Variants in ZNF486 observed in about 807,000 individuals in gnomAD.
The protein encoded by ZNF486 is zinc finger protein 486, also known as KRAB box only protein 2.
A neutral mutation model predicts 12.8 loss-of-function variants in ZNF486; 12 were observed. The ratio of observed to expected loss-of-function variants is 0.94; its 90% confidence interval spans 0.60 to 1.52. ZNF486 has a LOEUF of 1.52. Ranked by LOEUF, ZNF486 falls within the 40% of genes most tolerant of loss-of-function variation. The probability of loss-of-function intolerance (pLI) is 0.00; values close to 1 mark genes in which losing one functional copy is unlikely to be tolerated. For missense variants in ZNF486, 738 were observed against 545.0 expected, an observed-to-expected ratio of 1.35 and a Z score of -3.53; for synonymous variants, 231 against 184.9, an observed-to-expected ratio of 1.25 and a Z score of -2.02.
At position 20,198,176 on chromosome 19, in the gene ZNF486, G is replaced by A; in HGVS notation, c.*74G>A. On this transcript the variant is annotated 3_prime_UTR_variant, in exon 4 of 4. Transcript: ENST00000335117. ...TTGTTTCCCAGGCTGGAGTGCAATG[G>A]CATAATTTTGGCTCACCACAACCTC... 7 of 1,393,988 alleles carry A rather than the reference G, an allele frequency of 5.0e-6. 1 individual carries two copies. In the South Asian group the frequency reaches 1.1e-4, roughly 21 times the overall value. The allele number at this position is 1,393,988 out of a possible 1,614,324, so 86.4% of individuals were successfully genotyped here.
intron 3 of ZNF486, among the ~76,000 whole-genome samples, chr19:20,195,720 C>G (rs1243131889): frequency 6.6e-6 from 1 of 152,118 alleles, no homozygotes; most frequent in Non-Finnish European, 1.5e-5. Context: ...TAGGATGAGT[C>G]TTGTCTAAAA....
intron 3 of ZNF486, among the ~76,000 whole-genome samples, chr19:20,193,386 G>C (rs1002694540): frequency 2.0e-5 from 3 of 151,698 alleles, no homozygotes; most frequent in African/African-American, 7.3e-5. Context: ...CCTCCACCAG[G>C]CATGGTGGCT....
At chr19:20,194,857 ATAAATATAT>A (rs1399979634) in intron 3 of ZNF486, among the ~76,000 whole-genome samples, 2 of 151,960 alleles carry the variant, frequency 1.3e-5, no homozygotes, top group Non-Finnish European at 2.9e-5. Flanking sequence ...TGTGTTTGTT[ATAAATATAT>A]TTGTGTGTAT....
intron 3 of ZNF486, among the ~76,000 whole-genome samples, chr19:20,189,131 G>T (rs1418408960): frequency 1.3e-5 from 2 of 152,098 alleles, no homozygotes; most frequent in African/African-American, 4.8e-5. Context: ...CTGAAGTGCA[G>T]TGGTGTGATA....
intron 3 of ZNF486, among the ~76,000 whole-genome samples, chr19:20,195,844 C>T (rs111682023): frequency 1.1e-4 from 16 of 152,308 alleles, no homozygotes; most frequent in Admixed American, 3.3e-4. Flanking sequence ...TATAATTTAC[C>T]TTTAGACTCA....
intron 1 of ZNF486, among the ~76,000 whole-genome samples, chr19:20,168,848 AT>A (rs1196261105): frequency 5.4e-4 from 79 of 147,090 alleles, no homozygotes; most frequent in Non-Finnish European, 5.7e-4. Context: ...GTTAAAAAAA[AT>A]TTTTTTTTTT....
chr19:20,181,418 A>G (rs921075511), intron 1 of ZNF486, among the ~76,000 whole-genome samples: 1 of 152,034 alleles, frequency 6.6e-6, no homozygotes. Flanking sequence ...GGGCGCCTGT[A>G]GTCCCAGCTA....
intron 3 of ZNF486, among the ~76,000 whole-genome samples, chr19:20,191,687 G>A (rs543392912): frequency 3.9e-5 from 6 of 151,964 alleles, no homozygotes; most frequent in African/African-American, 1.2e-4. Context: ...GGAGAATGGC[G>A]TGAACCTGGG....
intron 3 of ZNF486, among the ~76,000 whole-genome samples, chr19:20,190,767 G>A (rs1204337704): frequency 6.6e-6 from 1 of 152,176 alleles, no homozygotes; most frequent in Non-Finnish European, 1.5e-5. Context: ...TATTATCTTG[G>A]TTTTGACTGG....
chr19:20,186,784 G>GTTTTTTTTTGTTT (rs781965467), intron 3 of ZNF486, among the ~76,000 whole-genome samples: 13 of 122,462 alleles, frequency 1.1e-4, no homozygotes, highest in African/African-American at 4.2e-4. Context: ...ATTTTCATAG[G>GTTTTTTTTTGTTT]TTTTTTTTTT....
chr19:20,193,337 C>T (rs1365950607), intron 3 of ZNF486, among the ~76,000 whole-genome samples: 1 of 150,912 alleles, frequency 6.6e-6, no homozygotes, highest in Admixed American at 6.6e-5. Flanking sequence ...CTCTATTGCC[C>T]ATGATGGAGT....
intron 3 of ZNF486, among the ~76,000 whole-genome samples, chr19:20,190,743 A>G (rs1177434509): frequency 2.0e-5 from 3 of 152,224 alleles, no homozygotes; most frequent in Admixed American, 6.5e-5. Context: ...CCAGATGCAA[A>G]TAAGAATATT....
chr19:20,183,731 TCA>T (rs2122654844), intron 1 of ZNF486, among the ~76,000 whole-genome samples: 1 of 152,300 alleles, frequency 6.6e-6, no homozygotes, highest in African/African-American at 2.4e-5. Flanking sequence ...TGCATAAACC[TCA>T]CATTAAATCT....
chr19:20,169,984 G>T (rs898926944), intron 1 of ZNF486, among the ~76,000 whole-genome samples: 46 of 145,970 alleles, frequency 3.2e-4, no homozygotes, highest in African/African-American at 1.2e-3. Context: ...TCCGCCTCCC[G>T]GGTTCACGCC....
chr19:20,173,294 T>C (rs1341815758), intron 1 of ZNF486, among the ~76,000 whole-genome samples: 2 of 152,204 alleles, frequency 1.3e-5, no homozygotes, highest in African/African-American at 4.8e-5. Context: ...TGGCTAGTTA[T>C]TCTAGCACCA....
At chr19:20,188,740 T>G (rs1217876038) in intron 3 of ZNF486, 5 of 320,068 alleles carry the variant, frequency 1.6e-5, no homozygotes, top group African/African-American at 4.3e-5. Context: ...CTTGTAAAAC[T>G]AAAACTCAAT....
Position 20,198,080 on chromosome 19 carries a change from T to C in ZNF486, c.1370T>C (p.Ile457Thr), listed in dbSNP as rs1568329144. 1.9e-6 allele frequency: 3 copies of C among 1,599,040 alleles called. No individual in the cohort carries two copies. The highest frequency in any genetic ancestry group is 2.7e-5 in the African/African-American group (2 of 74,290). Residue 457 changes from isoleucine to threonine, a missense_variant, in exon 4 of 4, where the codon ATT (isoleucine) becomes ACT (threonine). Coordinates refer to ENST00000335117, the MANE Select transcript of ZNF486 (RefSeq NM_052852.4). ...SDLNKHKRIH[I>T]GQKPRT ...CTTAATAAACATAAGAGAATTCATATTGGACAGAAACCAAGAACGTGACAA... is the reference window on the plus strand; with the variant it reads ...CTTAATAAACATAAGAGAATTCATACTGGACAGAAACCAAGAACGTGACAA...
At chr19:20,194,796 A>G (rs967880268) in intron 3 of ZNF486, among the ~76,000 whole-genome samples, 2 of 152,130 alleles carry the variant, frequency 1.3e-5, no homozygotes, top group Admixed American at 6.5e-5. Flanking sequence ...TTTATCTTGT[A>G]GCACCCAAAA....
At chr19:20,188,093 T>C (rs1237946661) in intron 3 of ZNF486, among the ~76,000 whole-genome samples, 4 of 152,170 alleles carry the variant, frequency 2.6e-5, no homozygotes, top group Admixed American at 2.0e-4. Context: ...TATCTGGATA[T>C]TGATGAGTAT....
Sources: allele counts gnomAD v4.1 joint callset (sites outside exome capture counted in the v4.1 genomes callset), GRCh38; gene constraint gnomAD v4.1.1; transcripts MANE v1.5; gene names NCBI Gene and HGNC (gene_info 2026-07-23, HGNC 2026-07-21).